The following VAT1L variants were observed in gnomAD, a reference collection of about 807,000 sequenced individuals.
VAT1L encodes vesicle amine transport 1 like.
A neutral mutation model predicts 44.1 loss-of-function variants in VAT1L; 34 were observed. The observed-to-expected ratio is 0.77, with a 90% CI of 0.59 to 1.03. The LOEUF is 1.03. VAT1L is among the 50% of genes least tolerant of loss of function. The probability of loss-of-function intolerance (pLI) is 0.00; values close to 1 mark genes in which losing one functional copy is unlikely to be tolerated. For missense variants in VAT1L, 615 were observed against 538.8 expected, an observed-to-expected ratio of 1.14 and a Z score of -1.40; for synonymous variants, 253 against 202.2, an observed-to-expected ratio of 1.25 and a Z score of -2.13.
intron 8 of VAT1L, among the ~76,000 whole-genome samples, chr16:77,977,179 A>G (rs1010324790): frequency 6.6e-6 from 1 of 152,154 alleles, no homozygotes; most frequent in Non-Finnish European, 1.5e-5. Flanking sequence ...CTCCCCTGAG[A>G]GCAGCCCTTA....
intron 1 of VAT1L, among the ~76,000 whole-genome samples, chr16:77,810,247 G>A (rs1317919778): frequency 1.3e-5 from 2 of 152,182 alleles, no homozygotes; most frequent in African/African-American, 2.4e-5. Flanking sequence ...TTCTCTAAGT[G>A]TGGTTCCCAG....
Position 77,979,729 on chromosome 16 carries a change from T to G in VAT1L, c.*2034T>G, listed in dbSNP as rs1234919395. On this transcript the variant is annotated 3_prime_UTR_variant, in exon 9 of 9. Coordinates refer to ENST00000302536, the MANE Select transcript of VAT1L (RefSeq NM_020927.3). ...GTTTGGTTTTATTTAACTAGCAAAG[T>G]TAATCCAGTAATCGCAAATTACTCC... The G allele has an allele frequency of 6.6e-6, 1 of 152,632 alleles. No individual in the cohort carries two copies. The highest frequency in any genetic ancestry group is 1.5e-5 in the Non-Finnish European group (1 of 68,038). 9.5% of individuals were successfully genotyped at this position (152,632 alleles called of 1,614,324 possible). A position where few individuals can be genotyped will look rare whatever the true frequency, so the allele number is the denominator to read the frequency against.
intron 4 of VAT1L, among the ~76,000 whole-genome samples, chr16:77,863,491 G>A (rs2016937707): frequency 1.3e-5 from 2 of 152,344 alleles, no homozygotes; most frequent in Middle Eastern, 3.4e-3. Flanking sequence ...AGTAAAGGGT[G>A]GAGCCTGGAG....
chr16:77,905,830 C>G (rs2017431289), intron 7 of VAT1L, among the ~76,000 whole-genome samples: 1 of 152,218 alleles, frequency 6.6e-6, no homozygotes. Context: ...AAAATAGTCA[C>G]TAAAAAGAGT....
In VAT1L at chr16:77,891,944, T is replaced by C. The variant is rs185014273; in HGVS notation, c.1077+7142T>C. 6.4e-3 allele frequency among the ~76,000 whole-genome samples: 969 copies of C among 152,166 alleles called. 7 individuals carry two copies. Among genetic ancestry groups the C allele is most frequent in the Non-Finnish European group, 0.011 (760 of 67,996 alleles). On this transcript the variant is annotated intron_variant, in intron 7 of 8. Coordinates refer to ENST00000302536, the MANE Select transcript of VAT1L (RefSeq NM_020927.3). ...AAAATTAGCCCGGCATGGTGGCACA[T>C]ACCTGTAGTCCCAGCTACTCGGGGG...
intron 3 of VAT1L, 60 bp from the exon 4 acceptor site, chr16:77,862,688 A>T: frequency 6.5e-7 from 1 of 1,546,970 alleles, no homozygotes; most frequent in East Asian, 2.3e-5. Context: ...TACACCCAGC[A>T]AGACTGGCTA....
chr16:77,952,024 C>T (rs2018050464), intron 7 of VAT1L, among the ~76,000 whole-genome samples: 1 of 152,112 alleles, frequency 6.6e-6, no homozygotes, highest in African/African-American at 2.4e-5. Context: ...CTGAAGCCAT[C>T]AAGCCATCTG....
chr16:77,904,732 TCTAA>T (rs1422871463), intron 7 of VAT1L, among the ~76,000 whole-genome samples: 2 of 152,246 alleles, frequency 1.3e-5, no homozygotes, highest in African/African-American at 4.8e-5. Context: ...TTCTTACTTT[TCTAA>T]CTAATATAAG....
At chr16:77,874,397 T>C (rs1310087741) in intron 4 of VAT1L, among the ~76,000 whole-genome samples, 1 of 152,006 alleles carries the variant, frequency 6.6e-6, no homozygotes, top group African/African-American at 2.4e-5. Flanking sequence ...GGTGAAGACC[T>C]GACCACCAAC....
chr16:77,887,556 G>GTGT (rs2142463901), intron 7 of VAT1L, among the ~76,000 whole-genome samples: 1 of 152,262 alleles, frequency 6.6e-6, no homozygotes, highest in Non-Finnish European at 1.5e-5. Context: ...GAGGCAGCAA[G>GTGT]ACTCATCTCC....
At chr16:77,920,763 C>T (rs925928082) in intron 7 of VAT1L, among the ~76,000 whole-genome samples, 1 of 152,136 alleles carries the variant, frequency 6.6e-6, no homozygotes, top group African/African-American at 2.4e-5. Context: ...ACATGCTGTA[C>T]AGATTTGTAG....
intron 3 of VAT1L, among the ~76,000 whole-genome samples, chr16:77,833,341 C>G (rs1241692412): frequency 6.6e-6 from 1 of 152,092 alleles, no homozygotes; most frequent in Non-Finnish European, 1.5e-5. Flanking sequence ...CTGACCTGCA[C>G]CAGAGGAGGT....
At chr16:77,920,249 T>C (rs918745344) in intron 7 of VAT1L, among the ~76,000 whole-genome samples, 8 of 152,116 alleles carry the variant, frequency 5.3e-5, no homozygotes, top group African/African-American at 1.9e-4. Flanking sequence ...GTCTGGCCAT[T>C]GCAAATCTTG....
intron 3 of VAT1L, among the ~76,000 whole-genome samples, chr16:77,826,164 G>A (rs550196733): frequency 7.4e-5 from 11 of 148,532 alleles, no homozygotes; most frequent in Middle Eastern, 3.5e-3. Flanking sequence ...CCGAGATCCC[G>A]CCACTGCACT....
intron 7 of VAT1L, among the ~76,000 whole-genome samples, chr16:77,940,385 C>T (rs1306611831): frequency 4.0e-5 from 5 of 125,330 alleles, no homozygotes; most frequent in Non-Finnish European, 7.9e-5. Flanking sequence ...ACTCTGTCTT[C>T]CAGGTTGAAT....
intron 3 of VAT1L, among the ~76,000 whole-genome samples, chr16:77,833,505 C>T (rs953255726): frequency 1.3e-5 from 2 of 151,686 alleles, no homozygotes; most frequent in African/African-American, 4.8e-5. Context: ...GTAATCCCAA[C>T]ACTTTGGGAG....
chr16:77,876,401 G>A lies in VAT1L; in HGVS notation c.754G>A (p.Asp252Asn). Residue 252 changes from aspartate (D) to asparagine (N), a missense_variant, in exon 5 of 9, where the codon GAT becomes AAT. Coordinates refer to ENST00000302536, the MANE Select transcript of VAT1L (RefSeq NM_020927.3). Reference sequence around the variant, plus strand: ...TGCTGAAGGTGTGGACATCGTTTTGGATTGCCTCTGTGGGGACAACACTGG... The same window carrying A: ...TGCTGAAGGTGTGGACATCGTTTTGAATTGCCTCTGTGGGGACAACACTGG... ...ISAEGVDIVL[D>N]CLCGDNTGKG... 2 of 1,614,172 alleles carry A rather than the reference G, an allele frequency of 1.2e-6. No homozygotes were observed. The highest frequency in any genetic ancestry group is 1.7e-6 in the Non-Finnish European group (2 of 1,180,032).
In VAT1L at chr16:77,813,862, T is replaced by C. The variant is rs76541738; in HGVS notation, c.234-3059T>C. 8.8e-3 allele frequency among the ~76,000 whole-genome samples: 1,333 copies of C among 152,304 alleles called. 27 individuals are homozygous for C. Among genetic ancestry groups the C allele is most frequent in the African/African-American group, 0.03 (1,264 of 41,562 alleles). On this transcript the variant is annotated intron_variant, in intron 1 of 8. Transcript: ENST00000302536. ...CCACTCCTCCAATACTGGGCCCACA[T>C]TGGTGCAGTCAGTTCTCTGCAAGGG...
intron 4 of VAT1L, among the ~76,000 whole-genome samples, chr16:77,873,194 G>C (rs574333360): frequency 1.6e-4 from 25 of 152,320 alleles, no homozygotes; most frequent in Admixed American, 7.2e-4. Flanking sequence ...CTGGTGAAAA[G>C]GCCATCATCT....
Sources: gnomAD v4.1 joint callset for allele counts (sites outside exome capture counted in the v4.1 genomes callset) on GRCh38, gnomAD v4.1.1 for gene constraint, MANE v1.5 for transcripts, NCBI Gene and HGNC (gene_info 2026-07-23, HGNC 2026-07-21) for gene names.